The following SARS1 variants were observed in gnomAD, a reference collection of about 807,000 sequenced individuals.
SARS1 encodes seryl-tRNA synthetase 1.
SARS1 carries 25 observed loss-of-function variants against 63.7 expected under a neutral mutation model. The ratio of observed to expected loss-of-function variants is 0.39; its 90% CI spans 0.29 to 0.55. The LOEUF (loss-of-function observed/expected upper bound fraction) is 0.55. SARS1 is among the 20% of genes least tolerant of loss of function. SARS1 has a pLI of 0.62. For synonymous variants in SARS1, 231 were observed against 243.5 expected, an observed-to-expected ratio of 0.95 and a Z score of 0.48; for missense variants, 417 against 649.7, an observed-to-expected ratio of 0.64 and a Z score of 3.89.
At position 109,236,544 on chromosome 1, in the gene SARS1, A is replaced by G. The variant is rs200645763; in HGVS notation, c.1253A>G (p.Asp418Gly). Residue 418 changes from aspartate to glycine, a missense_variant, in exon 9 of 11, where the codon GAC becomes GGC. Physicochemically the swap from Asp to Gly is moderately conservative, Grantham distance 94. Transcript: ENST00000234677. ...TATGGGCAAACCAAGAAGATGATGG[A>G]CAAGGTAGATGGCCCCCAGGGAGGT... ...IRYGQTKKMMDKVEFVHMLNA... is the reference protein window; with the variant it reads ...IRYGQTKKMMGKVEFVHMLNA... 17 of 1,601,152 alleles carry G rather than the reference A, an allele frequency of 1.1e-5. No individual in the cohort carries two copies. The East Asian group carries it at 2.7e-4, about 25-fold the overall frequency.
rs373937127 is a variant in SARS1, at chr1:109,222,446, G to A, written c.137-1532G>A. Among the ~76,000 whole-genome samples the A allele has an allele frequency of 2.0e-5, 3 of 152,098 alleles. No individual in the cohort carries two copies. The East Asian group carries it at 5.8e-4, about 29-fold the overall frequency. The stretch of plus-strand genomic sequence containing the variant: ...TTTGTATAACCACTGCCATGCTCAA[G>A]ATACAGAACTGTTTCATCACCACAA... On this transcript the variant is annotated intron_variant, in intron 1 of 10. Coordinates refer to ENST00000234677, the MANE Select transcript of SARS1 (RefSeq NM_006513.4).
intron 2 of SARS1, among the ~76,000 whole-genome samples, chr1:109,226,698 A>ATATATATAT (rs1557716934): frequency 1.0e-5 from 1 of 100,452 alleles, no homozygotes; most frequent in African/African-American, 4.1e-5. Context: ...ATATATATAT[A>ATATATATAT]CACACACACA....
At chr1:109,236,724 T>C in intron 9 of SARS1, 176 bp downstream of exon 9, 4 of 1,519,848 alleles carry the variant, frequency 2.6e-6, no homozygotes, top group Non-Finnish European at 3.5e-6. Flanking sequence ...TGAGTTCTTT[T>C]AGCTAGAAAC....
chr1:109,214,314 C>T lies in SARS1; in HGVS notation c.136+186C>T, dbSNP rs1350183293. 2.0e-5 allele frequency among the ~76,000 whole-genome samples: 3 copies of T among 152,236 alleles called. No individual in the cohort carries two copies. In the East Asian group the frequency reaches 5.8e-4, roughly 29 times the overall value. On this transcript the variant is annotated intron_variant, in intron 1 of 10. Transcript: ENST00000234677. The surrounding 1 kb of genome is among the most constrained non-coding windows in gnomAD (Gnocchi z 4.6). The stretch of plus-strand genomic sequence containing the variant: ...GTCGCCGGGGTCATCCCACTTTCTC[C>T]TCCACCCGGGCGGAGCGAGGTCCCT...
Position 109,238,109 on chromosome 1 carries a change from C to T in SARS1, c.*221C>T. 1.7e-6 allele frequency: 1 copy of T among 592,730 alleles called. No individual in the cohort carries two copies. The highest frequency in any genetic ancestry group is 2.9e-5 in the East Asian group (1 of 34,982). 36.7% of individuals were successfully genotyped at this position (592,730 alleles called of 1,614,324 possible). ...CTGATGAAACCATGTAATAAAGCATCTCTGGGGAGGGCTTAGGACTCTTCC... is the reference window on the plus strand; with the variant it reads ...CTGATGAAACCATGTAATAAAGCATTTCTGGGGAGGGCTTAGGACTCTTCC... On this transcript the variant is annotated 3_prime_UTR_variant, in exon 11 of 11. Coordinates refer to ENST00000234677, the MANE Select transcript of SARS1 (RefSeq NM_006513.4).
intron 1 of SARS1, chr1:109,215,184 C>T (rs181886223): frequency 3.0e-6 from 3 of 985,404 alleles, no homozygotes; most frequent in East Asian, 2.3e-4. Flanking sequence ...CTTAGGCCCT[C>T]TATTGTAGTA....
chr1:109,223,911 A>G, intron 1 of SARS1, 67 bp from the exon 2 acceptor site: 2 of 1,200,588 alleles, frequency 1.7e-6, no homozygotes, highest in Non-Finnish European at 1.2e-6. Flanking sequence ...AGAAGTCAAG[A>G]TCAGGAGAAA....
intron 2 of SARS1, among the ~76,000 whole-genome samples, chr1:109,228,077 TCA>T (rs1318164582): frequency 6.6e-6 from 1 of 152,202 alleles, no homozygotes; most frequent in Non-Finnish European, 1.5e-5. Flanking sequence ...GACATTCTTC[TCA>T]TATTCTTCAG....
chr1:109,231,735 G>A lies in SARS1; in HGVS notation c.696G>A (p.Glu232=), dbSNP rs1412013357. The A allele has an allele frequency of 1.9e-6, 3 of 1,597,936 alleles. No individual in the cohort carries two copies. The highest frequency in any genetic ancestry group is 2.7e-5 in the African/African-American group (2 of 73,742). The part of the protein sequence containing the change: ...PIYTPFFMRK[E]VMQEVAQLSQ... ...ATACCCCCTTTTTCATGAGGAAGGA[G>A]GTCATGCAGGAGGTGGCACAGCTCA... The change falls in exon 6 of 11, where the codon GAG becomes GAA. Residue 232 remains glutamate, a synonymous_variant. Coordinates refer to ENST00000234677, the MANE Select transcript of SARS1 (RefSeq NM_006513.4).
At chr1:109,220,899 T>C (rs901005820) in intron 1 of SARS1, among the ~76,000 whole-genome samples, 1 of 152,114 alleles carries the variant, frequency 6.6e-6, no homozygotes, top group African/African-American at 2.4e-5. Context: ...ATATATTTAA[T>C]ATTAATTTTG....
chr1:109,222,092 G>T (rs1484742777), intron 1 of SARS1, among the ~76,000 whole-genome samples: 1 of 133,314 alleles, frequency 7.5e-6, no homozygotes, highest in African/African-American at 2.9e-5. Context: ...TCGAATTCCT[G>T]GGCTCAAGCG....
chr1:109,236,886 T>G (rs1451667558), intron 9 of SARS1: 1 of 1,589,748 alleles, frequency 6.3e-7, no homozygotes, highest in Non-Finnish European at 8.6e-7. Context: ...GGTTGTAAGC[T>G]GCTCTCTTCA....
chr1:109,225,813 G>A (rs1313001570), intron 2 of SARS1, among the ~76,000 whole-genome samples: 1 of 152,168 alleles, frequency 6.6e-6, no homozygotes, highest in Non-Finnish European at 1.5e-5. Flanking sequence ...CTTGAGCTCA[G>A]AACTTGAATT....
chr1:109,215,774 C>T (rs970049267), intron 1 of SARS1: 21 of 511,614 alleles, frequency 4.1e-5, no homozygotes, highest in African/African-American at 3.7e-4. Context: ...GGCACCATCT[C>T]GGCTCACTGC....
intron 1 of SARS1, among the ~76,000 whole-genome samples, chr1:109,222,449 A>C (rs1654969513): frequency 6.6e-6 from 1 of 152,200 alleles, no homozygotes; most frequent in African/African-American, 2.4e-5. Context: ...TGCTCAAGAT[A>C]CAGAACTGTT....
chr1:109,226,698 A>ATATATAT (rs1557716934), intron 2 of SARS1, among the ~76,000 whole-genome samples: 3 of 100,452 alleles, frequency 3.0e-5, no homozygotes, highest in African/African-American at 1.2e-4. Flanking sequence ...ATATATATAT[A>ATATATAT]CACACACACA....
Position 109,225,395 on chromosome 1 carries a change from C to T in SARS1, c.207+1347C>T, listed in dbSNP as rs187609565. ...TTTCTTTCTGTGGGACTTAGTCATT[C>T]GCATACTAGAGGCCCCATAATTATG... is the stretch of plus-strand genomic sequence containing the variant. On this transcript the variant is annotated intron_variant, in intron 2 of 10. Coordinates refer to ENST00000234677, the MANE Select transcript of SARS1 (RefSeq NM_006513.4). Among the ~76,000 whole-genome samples, 254 of 152,226 alleles carry T rather than the reference C, an allele frequency of 1.7e-3. 2 individuals are homozygous for T. The highest frequency in any genetic ancestry group is 2.9e-3 in the Non-Finnish European group (198 of 68,012).
intron 1 of SARS1, chr1:109,216,243 G>GA: frequency 1.0e-6 from 1 of 985,378 alleles, no homozygotes; most frequent in Non-Finnish European, 1.2e-6. Flanking sequence ...TAAGAACTCA[G>GA]ATCATGCTCC....
chr1:109,226,589 G>A (rs2101194236), intron 2 of SARS1, among the ~76,000 whole-genome samples: 1 of 144,428 alleles, frequency 6.9e-6, no homozygotes, highest in African/African-American at 2.6e-5. Context: ...TAATACCTGG[G>A]CTCAAGCAGT....
Sources: gnomAD v4.1 joint callset for allele counts (sites outside exome capture counted in the v4.1 genomes callset) on GRCh38, gnomAD v4.1.1 for gene constraint, Gnocchi (gnomAD v3.1) non-coding constraint, MANE v1.5 for transcripts, NCBI Gene and HGNC (gene_info 2026-07-23, HGNC 2026-07-21) for gene names.